EMP2: variants seen among roughly 807,000 people sequenced by gnomAD.
EMP2 encodes the protein epithelial membrane protein 2.
In EMP2, 19 loss-of-function variants were observed where a neutral mutation model predicts 13.7. That is an observed-to-expected ratio of 1.38 (90% CI 0.97 to 2.03). The LOEUF is 2.03. Among genes scored for constraint, EMP2 ranks in the 30% most tolerant of loss-of-function variants. EMP2 has a pLI of 0.00. For synonymous variants in EMP2, 97 were observed against 84.7 expected (o/e 1.15, Z -0.80); for missense variants, 253 against 220.7 (o/e 1.15, Z -0.93).
chr16:10,543,501 G>A (rs1011770062), intron 3 of EMP2, 69 bp downstream of exon 3: 125 of 1,562,240 alleles, frequency 8.0e-5, no homozygotes, highest in Middle Eastern at 1.7e-4. Flanking sequence ...CGGGGAACCC[G>A]AAGCCTCACT....
chr16:10,564,053 T>C (rs1389307235), intron 1 of EMP2, among the ~76,000 whole-genome samples: 7 of 152,256 alleles, frequency 4.6e-5, no homozygotes, highest in Non-Finnish European at 8.8e-5. Context: ...GGCTACCCCA[T>C]AGGCAGTATG....
intron 1 of EMP2, among the ~76,000 whole-genome samples, chr16:10,561,456 G>C (rs2050870584): frequency 6.6e-6 from 1 of 152,130 alleles, no homozygotes; most frequent in Admixed American, 6.6e-5. Context: ...GGATGGAAGA[G>C]AGAAGGCCAG....
intron 1 of EMP2, among the ~76,000 whole-genome samples, chr16:10,572,676 G>C (rs1336023182): frequency 6.6e-6 from 1 of 152,180 alleles, no homozygotes; most frequent in Non-Finnish European, 1.5e-5. Flanking sequence ...AAATGTCACA[G>C]CCTGGGAGTT....
At chr16:10,541,506 C>T (rs749625511) in intron 3 of EMP2, among the ~76,000 whole-genome samples, 15 of 152,112 alleles carry the variant, frequency 9.9e-5, no homozygotes, top group Admixed American at 4.6e-4. Context: ...GCCAGCGGTT[C>T]GCCAACCCCT....
chr16:10,555,232 T>G (rs937148917), intron 1 of EMP2, among the ~76,000 whole-genome samples: 6 of 152,138 alleles, frequency 3.9e-5, no homozygotes, highest in African/African-American at 1.2e-4. Context: ...CCCACGACAA[T>G]CTTTCAGGAG....
At chr16:10,566,918 C>T (rs923486147) in intron 1 of EMP2, among the ~76,000 whole-genome samples, 1 of 152,092 alleles carries the variant, frequency 6.6e-6, no homozygotes, top group Non-Finnish European at 1.5e-5. Flanking sequence ...CCCAACAAAC[C>T]AAGCTCACCT....
chr16:10,533,835 C>T (rs368511030), intron 4 of EMP2, among the ~76,000 whole-genome samples: 3 of 152,108 alleles, frequency 2.0e-5, no homozygotes, highest in Admixed American at 6.6e-5. Context: ...CTCCCTGGGC[C>T]GGACACGGTG....
At position 10,567,934 on chromosome 16, in the gene EMP2, G is replaced by A. The variant is rs542784486; in HGVS notation, c.-61+12615C>T. On this transcript the variant is annotated intron_variant, in intron 1 of 4. Transcript: ENST00000359543. Reference sequence around the variant, plus strand: ...AGATGAGAAAACGGAGGGGTAGCGAGGTTAGGTAGCTTGTCAAAGGTCACA... The same window carrying A: ...AGATGAGAAAACGGAGGGGTAGCGAAGTTAGGTAGCTTGTCAAAGGTCACA... Among the ~76,000 whole-genome samples, 6 of 152,348 alleles carry A rather than the reference G, an allele frequency of 3.9e-5. No individual in the cohort carries two copies. The South Asian group carries it at 1.2e-3, about 32-fold the overall frequency.
intron 1 of EMP2, among the ~76,000 whole-genome samples, chr16:10,551,968 C>A (rs1300575702): frequency 6.6e-6 from 1 of 152,194 alleles, no homozygotes; most frequent in East Asian, 1.9e-4. Context: ...GAGGTCCTGG[C>A]TGTGATTCTG....
Position 10,580,280 on chromosome 16 carries a change from C to G in EMP2, c.-61+269G>C, listed in dbSNP as rs1301071948. The stretch of plus-strand genomic sequence containing the variant: ...CGGGGCGAGGGGAGGCGCCCTGACT[C>G]CTCCCCAAACTTTTCCCGCCTGCTT... On this transcript the variant is annotated intron_variant, in intron 1 of 4. Transcript: ENST00000359543. The surrounding 1 kb of genome is among the most constrained non-coding windows in gnomAD (Gnocchi z 4.3). 6.6e-6 allele frequency among the ~76,000 whole-genome samples: 1 copy of G among 152,152 alleles called. No homozygotes were observed. The highest frequency in any genetic ancestry group is 1.5e-5 in the Non-Finnish European group (1 of 68,022).
chr16:10,564,153 G>A (rs2050891426), intron 1 of EMP2, among the ~76,000 whole-genome samples: 2 of 152,194 alleles, frequency 1.3e-5, no homozygotes, highest in Non-Finnish European at 2.9e-5. Flanking sequence ...TCAGGCAGTT[G>A]CCATGGAAAG....
At chr16:10,578,607 T>C (rs1168455050) in intron 1 of EMP2, among the ~76,000 whole-genome samples, 3 of 152,166 alleles carry the variant, frequency 2.0e-5, no homozygotes, top group Non-Finnish European at 4.4e-5. Context: ...ACAGGGACGC[T>C]TCCGCCTGGC....
intron 1 of EMP2, among the ~76,000 whole-genome samples, chr16:10,552,600 T>C (rs916998124): frequency 2.0e-5 from 3 of 152,244 alleles, no homozygotes; most frequent in Non-Finnish European, 4.4e-5. Context: ...TAGAATTTAA[T>C]AGCATCATTC....
Position 10,541,196 on chromosome 16 carries a change from C to T in EMP2, c.169+2374G>A, listed in dbSNP as rs569033986. ...GGTGGGAGGATCACTTGAAGCCAGG[C>T]GTGAAAAACCAGCCTGGGCAACACA... On this transcript the variant is annotated intron_variant, in intron 3 of 4. Coordinates refer to ENST00000359543, the MANE Select transcript of EMP2 (RefSeq NM_001424.6). Among the ~76,000 whole-genome samples the T allele has an allele frequency of 3.0e-4, 45 of 151,938 alleles. 1 individual carries two copies. The South Asian group carries it at 7.5e-3, about 25-fold the overall frequency.
intron 4 of EMP2, among the ~76,000 whole-genome samples, chr16:10,535,701 A>G (rs527388899): frequency 1.3e-5 from 2 of 152,094 alleles, no homozygotes; most frequent in South Asian, 4.1e-4. Context: ...CAGAGTAACC[A>G]CCCAAGTCCC....
At chr16:10,540,846 C>T (rs1202076037) in intron 3 of EMP2, among the ~76,000 whole-genome samples, 2 of 152,162 alleles carry the variant, frequency 1.3e-5, no homozygotes, top group Admixed American at 6.5e-5. Context: ...TGGGAGGCCA[C>T]AGTGGGTGAA....
chr16:10,546,236 G>A (rs1462136004), intron 2 of EMP2: 2 of 152,184 alleles, frequency 1.3e-5, no homozygotes, highest in East Asian at 3.9e-4. Flanking sequence ...TGTAGGCAGA[G>A]TTGGTGGCCA....
intron 1 of EMP2, among the ~76,000 whole-genome samples, chr16:10,553,736 C>A (rs117229872): frequency 0.022 from 3,284 of 152,358 alleles, 40 homozygotes; most frequent in Non-Finnish European, 0.033. Flanking sequence ...GCGGCTACAC[C>A]ACAATTTACT....
intron 4 of EMP2, among the ~76,000 whole-genome samples, chr16:10,536,039 G>T (rs1033284155): frequency 6.6e-6 from 1 of 152,036 alleles, no homozygotes; most frequent in African/African-American, 2.4e-5. Flanking sequence ...GGACTTGGGG[G>T]GTTCTCAAGA....
Sources: allele counts gnomAD v4.1 joint callset (sites outside exome capture counted in the v4.1 genomes callset), GRCh38; gene constraint gnomAD v4.1.1; non-coding constraint Gnocchi (gnomAD v3.1); transcripts MANE v1.5; gene names NCBI Gene and HGNC (gene_info 2026-07-23, HGNC 2026-07-21).